The following SCOC variants were observed in gnomAD, a reference collection of about 807,000 sequenced individuals.
SCOC encodes the protein short coiled-coil protein.
Under a neutral mutation model 9.9 loss-of-function variants are expected in SCOC, and 7 were observed. The observed-to-expected ratio is 0.71, with a 90% CI of 0.40 to 1.33. SCOC has a LOEUF of 1.33. Among genes scored for constraint, SCOC ranks in the 40% most tolerant of loss-of-function variants. The pLI, the probability that SCOC is intolerant of heterozygous loss-of-function variation, is 0.01. For missense variants in SCOC, 66 were observed against 89.7 expected (o/e 0.74, Z 1.07); for synonymous variants, 19 against 28.2 (o/e 0.67, Z 1.03).
chr4:140,267,676 C>T (rs967343923), intron 1 of SCOC, among the ~76,000 whole-genome samples: 2 of 152,124 alleles, frequency 1.3e-5, no homozygotes, highest in Admixed American at 6.5e-5. Flanking sequence ...CAGCCTCCAC[C>T]CAGTGACGTG....
intron 1 of SCOC, among the ~76,000 whole-genome samples, chr4:140,336,134 T>G (rs1732950579): frequency 6.6e-6 from 1 of 152,204 alleles, no homozygotes; most frequent in South Asian, 2.1e-4. Flanking sequence ...TTATAAATAA[T>G]GTATTTATTC....
chr4:140,308,801 T>G (rs1163540205), intron 1 of SCOC, among the ~76,000 whole-genome samples: 2 of 152,232 alleles, frequency 1.3e-5, no homozygotes, highest in Non-Finnish European at 2.9e-5. Flanking sequence ...CAGGCTCTAC[T>G]GTCTTGTTCT....
chr4:140,348,769 A>C (rs1726852805), intron 2 of SCOC, among the ~76,000 whole-genome samples: 1 of 152,068 alleles, frequency 6.6e-6, no homozygotes, highest in Non-Finnish European at 1.5e-5. Flanking sequence ...TTCCAGTTTT[A>C]ATGTTTTGAG....
At chr4:140,271,107 A>G (rs1253527498) in intron 1 of SCOC, among the ~76,000 whole-genome samples, 1 of 152,208 alleles carries the variant, frequency 6.6e-6, no homozygotes, top group Non-Finnish European at 1.5e-5. Context: ...AAATAATTGC[A>G]TGAAGCAATG....
At chr4:140,279,574 A>G (rs183159556) in intron 1 of SCOC, among the ~76,000 whole-genome samples, 3 of 152,278 alleles carry the variant, frequency 2.0e-5, no homozygotes, top group African/African-American at 7.2e-5. Flanking sequence ...CTTCGATTCG[A>G]TTCTTGTGAC....
intron 1 of SCOC, among the ~76,000 whole-genome samples, chr4:140,269,049 G>T (rs1730787349): frequency 6.6e-6 from 1 of 152,118 alleles, no homozygotes; most frequent in Non-Finnish European, 1.5e-5. Context: ...TGGGGAAGAG[G>T]ATTCAATATC....
At chr4:140,257,554 G>A (rs778175260) in intron 1 of SCOC, 5 of 152,200 alleles carry the variant, frequency 3.3e-5, no homozygotes, top group Non-Finnish European at 7.3e-5. Context: ...TTCTTTTTCA[G>A]ACTCCAAACT....
At chr4:140,302,796 G>C (rs969924760) in intron 1 of SCOC, among the ~76,000 whole-genome samples, 21 of 152,200 alleles carry the variant, frequency 1.4e-4, no homozygotes, top group Non-Finnish European at 1.5e-5. Flanking sequence ...TTGTAAGCCA[G>C]TAACAAAAGT....
In SCOC at chr4:140,382,786, T is replaced by C. The variant is rs938898396; in HGVS notation, c.*1682T>C. ...AGCAAAGCACTCAAAGGATCCAGTA[T>C]CTCCAGGGAAAAAGGAAGTTGTATT... On this transcript the variant is annotated 3_prime_UTR_variant, in exon 4 of 4. Transcript: ENST00000608372. 1.4e-4 allele frequency: 21 copies of C among 152,320 alleles called. No homozygotes were observed. Among genetic ancestry groups the C allele is most frequent in the African/African-American group, 4.8e-4 (20 of 41,452 alleles). 9.4% of individuals were successfully genotyped at this position (152,320 alleles called of 1,614,324 possible).
chr4:140,324,121 T>C (rs1250115294), intron 1 of SCOC, among the ~76,000 whole-genome samples: 8 of 152,052 alleles, frequency 5.3e-5, no homozygotes, highest in South Asian at 2.1e-4. Context: ...TTCATCTCAA[T>C]AGAAACAAAA....
At chr4:140,260,593 G>A (rs1248097266) in intron 1 of SCOC, among the ~76,000 whole-genome samples, 1 of 152,156 alleles carries the variant, frequency 6.6e-6, no homozygotes. Context: ...TCCCATAACA[G>A]TTCTCTCACT....
chr4:140,338,677 C>G (rs1007548594), upstream of SCOC, among the ~76,000 whole-genome samples: 1 of 152,306 alleles, frequency 6.6e-6, no homozygotes, highest in South Asian at 2.1e-4. Flanking sequence ...AGAGCCAAAT[C>G]ATGAGTGAAC....
chr4:140,280,436 G>A (rs541457342), intron 1 of SCOC, among the ~76,000 whole-genome samples: 2 of 152,226 alleles, frequency 1.3e-5, no homozygotes, highest in East Asian at 3.9e-4. Flanking sequence ...GCCATGTTGT[G>A]ATTTTTTACT....
intron 2 of SCOC, among the ~76,000 whole-genome samples, chr4:140,358,586 A>C (rs952272261): frequency 6.6e-6 from 1 of 152,214 alleles, no homozygotes; most frequent in African/African-American, 2.4e-5. Flanking sequence ...GAGGGAACTA[A>C]GCCTTCCTAA....
chr4:140,265,861 AT>A (rs893546899), intron 1 of SCOC, among the ~76,000 whole-genome samples: 4 of 152,228 alleles, frequency 2.6e-5, no homozygotes, highest in African/African-American at 7.2e-5. Flanking sequence ...TCTTTTGTGC[AT>A]GTGAACTCTT....
chr4:140,313,251 G>C (rs1412614806), intron 1 of SCOC, among the ~76,000 whole-genome samples: 1 of 152,154 alleles, frequency 6.6e-6, no homozygotes, highest in Admixed American at 6.5e-5. Flanking sequence ...TGGAAATACG[G>C]ATTTGTTTTT....
At position 140,384,079 on chromosome 4, in the gene SCOC, T is replaced by C. The variant is rs1349259307; in HGVS notation, c.*2975T>C. 2 of 152,236 alleles carry C rather than the reference T, an allele frequency of 1.3e-5. No individual in the cohort carries two copies. The highest frequency in any genetic ancestry group is 2.9e-5 in the Non-Finnish European group (2 of 68,042). The allele number at this position is 152,236 out of a possible 1,614,324, so 9.4% of individuals were successfully genotyped here. ...TTCAGAAACAATTGGCTTAATTTCA[T>C]GAGGTTCCTTGTATCAAAACTTTGT... On this transcript the variant is annotated 3_prime_UTR_variant, in exon 4 of 4. Coordinates refer to ENST00000608372, the MANE Select transcript of SCOC (RefSeq NM_001153484.2).
chr4:140,310,469 T>C (rs1010926243), intron 1 of SCOC, among the ~76,000 whole-genome samples: 7 of 152,166 alleles, frequency 4.6e-5, no homozygotes, highest in Middle Eastern at 3.2e-3. Context: ...TGAAGAACAA[T>C]AAACCCTTCA....
At chr4:140,314,971 T>G (rs538337167) in intron 1 of SCOC, among the ~76,000 whole-genome samples, 1 of 152,294 alleles carries the variant, frequency 6.6e-6, no homozygotes, top group South Asian at 2.1e-4. Context: ...CAAATTTGGG[T>G]CTGTGTCCCT....
Sources: gnomAD v4.1 joint callset for allele counts (sites outside exome capture counted in the v4.1 genomes callset) on GRCh38, gnomAD v4.1.1 for gene constraint, MANE v1.5 for transcripts, NCBI Gene and HGNC (gene_info 2026-07-23, HGNC 2026-07-21) for gene names.